The following SCRN1 variants were observed in gnomAD, a reference collection of about 807,000 sequenced individuals.
The protein encoded by SCRN1 is secernin-1.
SCRN1 carries 19 observed loss-of-function variants against 43.3 expected under a neutral mutation model. The observed-to-expected ratio is 0.44, with a 90% CI of 0.31 to 0.64. The LOEUF is 0.64. Among genes scored for constraint, SCRN1 ranks in the 30% least tolerant of loss-of-function variants. SCRN1 has a pLI of 0.09. For missense variants in SCRN1, 447 were observed against 524.1 expected, an observed-to-expected ratio of 0.85 and a Z score of 1.44; for synonymous variants, 183 against 188.9, an observed-to-expected ratio of 0.97 and a Z score of 0.26.
chr7:29,982,990 CT>C (rs1789037639), intron 1 of SCRN1, among the ~76,000 whole-genome samples: 1 of 151,994 alleles, frequency 6.6e-6, no homozygotes, highest in Non-Finnish European at 1.5e-5. Flanking sequence ...AGGCATGCAC[CT>C]CCATGCCCAG....
chr7:29,936,379 C>A (rs1479792827), intron 6 of SCRN1, among the ~76,000 whole-genome samples, 177 bp downstream of exon 6: 1 of 152,066 alleles, frequency 6.6e-6, no homozygotes, highest in Non-Finnish European at 1.5e-5. Context: ...TGACTAAAAC[C>A]AAGGAATTCA....
intron 2 of SCRN1, among the ~76,000 whole-genome samples, chr7:29,964,867 G>A (rs1416418805): frequency 6.6e-6 from 1 of 152,198 alleles, no homozygotes; most frequent in Admixed American, 6.5e-5. Context: ...GCTTGAACCC[G>A]AGAGCTGGAG....
intron 2 of SCRN1, among the ~76,000 whole-genome samples, chr7:29,961,067 T>C (rs1211697953): frequency 2.0e-5 from 3 of 151,098 alleles, no homozygotes; most frequent in Non-Finnish European, 2.9e-5. Context: ...TCTTTTTTTT[T>C]TTTTTTTTAA....
chr7:29,983,900 G>C (rs1284436529), intron 1 of SCRN1, among the ~76,000 whole-genome samples: 2 of 152,140 alleles, frequency 1.3e-5, no homozygotes, highest in Non-Finnish European at 2.9e-5. Flanking sequence ...GATGGGGAAA[G>C]GAAGAATGAA....
At chr7:29,958,148 C>T (rs1326246099) in intron 2 of SCRN1, among the ~76,000 whole-genome samples, 1 of 152,154 alleles carries the variant, frequency 6.6e-6, no homozygotes, top group Admixed American at 6.5e-5. Flanking sequence ...GGAACACATG[C>T]CCCTTGCTGC....
At chr7:29,930,407 C>A (rs574842378) in intron 6 of SCRN1, among the ~76,000 whole-genome samples, 41 of 152,246 alleles carry the variant, frequency 2.7e-4, no homozygotes, top group Non-Finnish European at 5.1e-4. Flanking sequence ...ATTTAGAATT[C>A]CAAATAGATA....
chr7:29,928,641 G>A (rs956652230), intron 6 of SCRN1, among the ~76,000 whole-genome samples: 1 of 151,978 alleles, frequency 6.6e-6, no homozygotes, highest in Admixed American at 6.6e-5. Flanking sequence ...GCCAGGCTGC[G>A]CCCACCTGCT....
chr7:29,960,813 G>C (rs1788282108), intron 2 of SCRN1, among the ~76,000 whole-genome samples: 1 of 152,082 alleles, frequency 6.6e-6, no homozygotes, highest in Non-Finnish European at 1.5e-5. Flanking sequence ...TTGGGGTAAA[G>C]TTGAGATGAG....
intron 3 of SCRN1, 147 bp from the exon 4 acceptor site, chr7:29,944,326 T>G: frequency 1.5e-6 from 1 of 681,004 alleles, no homozygotes; most frequent in Admixed American, 2.4e-5. Flanking sequence ...GCAAACTGAT[T>G]AACTGCACTG....
In SCRN1 at chr7:29,989,780, G is replaced by A; in HGVS notation, c.-140C>T. ...CTGCAGTGGCGGAGGCGGCCGCCGGGCGCTTCCCCCTACCCAGACTCCCGG... is the reference window on the plus strand; with the variant it reads ...CTGCAGTGGCGGAGGCGGCCGCCGGACGCTTCCCCCTACCCAGACTCCCGG... On this transcript the variant is annotated 5_prime_UTR_variant, in exon 1 of 8. Transcript: ENST00000242059. 1.0e-6 allele frequency: 1 copy of A among 986,854 alleles called. No homozygotes were observed. The highest frequency in any genetic ancestry group is 1.2e-6 in the Non-Finnish European group (1 of 831,090). The allele number at this position is 986,854 out of a possible 1,614,324, so 61.1% of individuals were successfully genotyped here. A position where few individuals can be genotyped will look rare whatever the true frequency, so the allele number is the denominator to read the frequency against.
chr7:29,959,350 T>C (rs1016895946), intron 2 of SCRN1, among the ~76,000 whole-genome samples: 3 of 152,210 alleles, frequency 2.0e-5, no homozygotes, highest in Non-Finnish European at 4.4e-5. Context: ...TTTAAAACTT[T>C]GTAGCTCTAA....
chr7:29,977,990 T>C (rs1014715201), intron 1 of SCRN1, among the ~76,000 whole-genome samples: 1 of 152,222 alleles, frequency 6.6e-6, no homozygotes, highest in African/African-American at 2.4e-5. Context: ...GAAACTTTCC[T>C]TGAAGTGTCT....
At chr7:29,926,698 C>A in intron 6 of SCRN1, 66 bp from the exon 7 acceptor site, 1 of 1,471,946 alleles carries the variant, frequency 6.8e-7, no homozygotes, top group Non-Finnish European at 9.3e-7. Context: ...CAGAGACTGT[C>A]CTTTTATTCA....
intron 1 of SCRN1, among the ~76,000 whole-genome samples, chr7:29,979,245 C>T (rs1788926559): frequency 6.6e-6 from 1 of 152,108 alleles, no homozygotes; most frequent in Non-Finnish European, 1.5e-5. Context: ...TGCCTGTAAT[C>T]CCAGCTACTC....
intron 1 of SCRN1, among the ~76,000 whole-genome samples, chr7:29,971,605 A>T (rs946949325): frequency 6.6e-6 from 1 of 151,282 alleles, no homozygotes; most frequent in African/African-American, 2.4e-5. Context: ...CTGCACTCTC[A>T]GCCTGGGCAA....
chr7:29,951,501 G>A (rs1179695481), intron 3 of SCRN1, among the ~76,000 whole-genome samples: 1 of 152,162 alleles, frequency 6.6e-6, no homozygotes, highest in African/African-American at 2.4e-5. Flanking sequence ...CGTAAGGATC[G>A]TGTGACACTG....
chr7:29,941,521 C>T (rs371788054), intron 4 of SCRN1, among the ~76,000 whole-genome samples: 18 of 152,088 alleles, frequency 1.2e-4, no homozygotes, highest in African/African-American at 4.3e-4. Context: ...CATGAATATA[C>T]ATATGTCTGG....
At position 29,921,687 on chromosome 7, in the gene SCRN1, G is replaced by C. The variant is rs1206236403; in HGVS notation, c.*2270C>G. 1 of 152,234 alleles carries C rather than the reference G, an allele frequency of 6.6e-6. No individual in the cohort carries two copies. The highest frequency in any genetic ancestry group is 2.4e-5 in the African/African-American group (1 of 41,464). 9.4% of individuals were successfully genotyped at this position (152,234 alleles called of 1,614,324 possible). A position where few individuals can be genotyped will look rare whatever the true frequency, so the allele number is the denominator to read the frequency against. On this transcript the variant is annotated 3_prime_UTR_variant, in exon 8 of 8. Transcript: ENST00000242059. ...GCCAAGACAGCTCTCAATTAGGGTT[G>C]CCTTCTTTAAGATGCTTGACCAAGG... is the stretch of plus-strand genomic sequence containing the variant.
In SCRN1 at chr7:29,969,094, G is replaced by A; in HGVS notation, c.-1-26C>T. 4 of 1,603,758 alleles carry A rather than the reference G, an allele frequency of 2.5e-6. No homozygotes were observed. The South Asian group carries it at 3.3e-5, about 13-fold the overall frequency. On this transcript the variant is annotated intron_variant, in intron 1 of 7. Transcript: ENST00000242059. ...CTGAAAAGAGAATGCCAGCAAGAGT[G>A]GAAGCAGGCCTCACATGGAACACTC...
Sources: gnomAD v4.1 joint callset for allele counts (sites outside exome capture counted in the v4.1 genomes callset) on GRCh38, gnomAD v4.1.1 for gene constraint, MANE v1.5 for transcripts, NCBI Gene and HGNC (gene_info 2026-07-23, HGNC 2026-07-21) for gene names.